The following PRIM1 variants were observed in gnomAD, a reference collection of about 807,000 sequenced individuals.
PRIM1 encodes DNA primase subunit 1.
Under a neutral mutation model 60.2 loss-of-function variants are expected in PRIM1, and 38 were observed. The observed-to-expected ratio is 0.63, with a 90% confidence interval of 0.49 to 0.83. The LOEUF is 0.83. PRIM1 is among the 40% of genes least tolerant of loss of function. PRIM1 has a pLI of 0.00. For synonymous variants in PRIM1, 158 were observed against 160.2 expected, an observed-to-expected ratio of 0.99 and a Z score of 0.10; for missense variants, 388 against 506.2, an observed-to-expected ratio of 0.77 and a Z score of 2.24.
At chr12:56,738,355 G>T in intron 11 of PRIM1, 79 bp downstream of exon 11, 1 of 1,503,868 alleles carries the variant, frequency 6.6e-7, no homozygotes, top group Non-Finnish European at 8.9e-7. Context: ...TTGAATCAGA[G>T]AATTAATTAC....
intron 5 of PRIM1, 31 bp downstream of exon 5, chr12:56,746,014 G>A (rs1953903921): frequency 3.8e-6 from 6 of 1,571,432 alleles, no homozygotes; most frequent in Admixed American, 2.0e-5. Flanking sequence ...AGAAACTAAA[G>A]CAATGCAAAT....
Position 56,731,650 on chromosome 12 carries a change from T to A in PRIM1, c.*65A>T. On this transcript the variant is annotated 3_prime_UTR_variant, in exon 13 of 13. Transcript: ENST00000338193. ...AGTTCTGCCATATTTATTAAATGGC[T>A]CTTGAAGTATTTGATCTGTGGTTGA... The A allele has an allele frequency of 7.3e-7, 1 of 1,374,526 alleles. No individual in the cohort carries two copies. The highest frequency in any genetic ancestry group is 1.0e-6 in the Non-Finnish European group (1 of 1,000,236). The allele number at this position is 1,374,526 out of a possible 1,614,324, so 85.1% of individuals were successfully genotyped here.
At chr12:56,742,068 C>T (rs1953876355) in intron 7 of PRIM1, 1 of 498,994 alleles carries the variant, frequency 2.0e-6, no homozygotes, top group Non-Finnish European at 3.6e-6. Flanking sequence ...GCCTGGCCAA[C>T]ATGGTGAAAC....
intron 9 of PRIM1, among the ~76,000 whole-genome samples, chr12:56,740,392 C>T (rs1953863371): frequency 6.6e-6 from 1 of 151,964 alleles, no homozygotes; most frequent in African/African-American, 2.4e-5. Context: ...ATGTCAGACA[C>T]CTTTAAAAAG....
intron 5 of PRIM1, among the ~76,000 whole-genome samples, chr12:56,745,482 T>C (rs1417021207): frequency 1.3e-5 from 2 of 151,998 alleles, no homozygotes; most frequent in Non-Finnish European, 2.9e-5. Context: ...TAACATGTTC[T>C]ATTATTTTAT....
chr12:56,736,412 T>C (rs370322080), intron 11 of PRIM1, among the ~76,000 whole-genome samples: 2 of 150,778 alleles, frequency 1.3e-5, no homozygotes, highest in African/African-American at 4.9e-5. Context: ...AAGAAAGGAG[T>C]TTCACATAAA....
intron 5 of PRIM1, 131 bp downstream of exon 5, chr12:56,745,914 G>A (rs1953902742): frequency 6.3e-6 from 6 of 954,756 alleles, no homozygotes; most frequent in Non-Finnish European, 8.9e-6. Flanking sequence ...AGTCCAGCCT[G>A]GGCAACAGAG....
intron 6 of PRIM1, 114 bp downstream of exon 6, chr12:56,743,951 G>C: frequency 1.4e-6 from 1 of 703,922 alleles, no homozygotes; most frequent in Non-Finnish European, 2.4e-6. Context: ...ATTAACCATA[G>C]CTATTATTAT....
chr12:56,742,893 G>A, intron 7 of PRIM1, 94 bp downstream of exon 7: 4 of 893,332 alleles, frequency 4.5e-6, no homozygotes, highest in Non-Finnish European at 6.6e-6. Flanking sequence ...AAACTTATAA[G>A]TATATGAGAA....
intron 10 of PRIM1, among the ~76,000 whole-genome samples, 185 bp from the exon 11 acceptor site, chr12:56,738,710 C>A (rs1038404858): frequency 3.9e-5 from 6 of 152,158 alleles, no homozygotes; most frequent in Non-Finnish European, 8.8e-5. Flanking sequence ...TGCCACCAAG[C>A]GCAGCTAATT....
chr12:56,746,942 C>T lies in PRIM1; in HGVS notation c.352G>A (p.Val118Met). 1.2e-6 allele frequency: 2 copies of T among 1,613,866 alleles called. No homozygotes were observed. The highest frequency in any genetic ancestry group is 8.5e-7 in the Non-Finnish European group (1 of 1,179,792). Residue 118 changes from valine (V) to methionine (M), a missense_variant, in exon 3 of 13, where the codon GTG becomes ATG. Physicochemically the swap from Val to Met is conservative, Grantham distance 21. Transcript: ENST00000338193. ...FDIDMTDYDD[V>M]RRCCSSADIC... The stretch of plus-strand genomic sequence containing the variant: ...AGTGCTCACCTACAACATCTCCTCA[C>T]ATCGTCATAGTCTGTCATGTCAATG...
intron 7 of PRIM1, 25 bp downstream of exon 7, chr12:56,742,962 C>G (rs1464516354): frequency 8.8e-6 from 13 of 1,479,762 alleles, no homozygotes; most frequent in Non-Finnish European, 1.2e-5. Context: ...CTAGCTCACA[C>G]AGAAATGATC....
At chr12:56,745,938 CAAAAAA>C in intron 5 of PRIM1, 101 bp downstream of exon 5, 2 of 935,700 alleles carry the variant, frequency 2.1e-6, no homozygotes, top group Non-Finnish European at 2.9e-6. Context: ...GAGTCCATCT[CAAAAAA>C]AAAAAAAAAA....
chr12:56,738,471 C>A lies in PRIM1; in HGVS notation c.1107G>T (p.Glu369Asp). ...AISTNEEEKE[E>D]NEAESDVKHR... ...GTTTGACATCAGATTCAGCTTCATTCTCCTCTTTTTCCTCTTCATTAGTGG... is the reference window on the plus strand; with the variant it reads ...GTTTGACATCAGATTCAGCTTCATTATCCTCTTTTTCCTCTTCATTAGTGG... Residue 369 changes from glutamate to aspartate, a missense_variant, in exon 11 of 13, where the codon GAG becomes GAT. Coordinates refer to ENST00000338193, the MANE Select transcript of PRIM1 (RefSeq NM_000946.3). 1 of 1,588,338 alleles carries A rather than the reference C, an allele frequency of 6.3e-7. No homozygotes were observed.
Position 56,745,907 on chromosome 12 carries a change from C to T in PRIM1, c.579+138G>A, listed in dbSNP as rs7966906. The stretch of plus-strand genomic sequence containing the variant: ...TGAGCCAAGATCATGCCATTGCAGT[C>T]CAGCCTGGGCAACAGAGTGAGAGTC... On this transcript the variant is annotated intron_variant, in intron 5 of 12. Coordinates refer to ENST00000338193, the MANE Select transcript of PRIM1 (RefSeq NM_000946.3). 238 of 899,736 alleles carry T rather than the reference C, an allele frequency of 2.6e-4. No individual in the cohort carries two copies. The African/African-American group carries it at 3.6e-3, about 14-fold the overall frequency. 55.7% of individuals were successfully genotyped at this position (899,736 alleles called of 1,614,324 possible).
At chr12:56,751,537 C>A (rs930849489) in intron 1 of PRIM1, 1 of 164,948 alleles carries the variant, frequency 6.1e-6, no homozygotes, top group Non-Finnish European at 1.3e-5. Context: ...CCGTCCTCCT[C>A]GGCTTTCCAA....
At chr12:56,738,076 T>G (rs962895869) in intron 11 of PRIM1, among the ~76,000 whole-genome samples, 5 of 152,194 alleles carry the variant, frequency 3.3e-5, no homozygotes, top group African/African-American at 1.2e-4. Flanking sequence ...TAGACATATG[T>G]TTACCATAAA....
At chr12:56,745,961 T>G in intron 5 of PRIM1, 84 bp downstream of exon 5, 1 of 1,373,990 alleles carries the variant, frequency 7.3e-7, no homozygotes, top group Non-Finnish European at 9.8e-7. Flanking sequence ...AAAAGATAGT[T>G]TCATTTTCTT....
At chr12:56,737,277 T>G (rs1203295270) in intron 11 of PRIM1, among the ~76,000 whole-genome samples, 1 of 151,866 alleles carries the variant, frequency 6.6e-6, no homozygotes. Flanking sequence ...TTGCAGTCCG[T>G]GCAAAAATTG....
Sources: allele counts gnomAD v4.1 joint callset (sites outside exome capture counted in the v4.1 genomes callset), GRCh38; gene constraint gnomAD v4.1.1; transcripts MANE v1.5; gene names NCBI Gene and HGNC (gene_info 2026-07-23, HGNC 2026-07-21).